The following CASKIN2 variants were observed in gnomAD, a reference collection of about 807,000 sequenced individuals.
CASKIN2 encodes caskin-2.
Under a neutral mutation model 107.1 loss-of-function variants are expected in CASKIN2, and 41 were observed. The ratio of observed to expected loss-of-function variants is 0.38; its 90% CI spans 0.30 to 0.50. The LOEUF (loss-of-function observed/expected upper bound fraction) is 0.50, where lower values mean the gene tolerates loss of function less well. CASKIN2 is among the 20% of genes least tolerant of loss of function. CASKIN2 has a pLI of 0.92. For missense variants in CASKIN2, 1,546 were observed against 1,657.4 expected, an observed-to-expected ratio of 0.93 and a Z score of 1.17; for synonymous variants, 724 against 705.6, an observed-to-expected ratio of 1.03 and a Z score of -0.41.
Position 75,507,046 on chromosome 17 carries a change from C to A in CASKIN2, c.328G>T (p.Ala110Ser), listed in dbSNP as rs1248096355. Residue 110 changes from alanine (A) to serine (S), a missense_variant, in exon 5 of 20, where the codon GCC becomes TCC. By Grantham distance (99) the Ala-to-Ser change is moderately conservative (BLOSUM62 1). Coordinates refer to ENST00000321617, the MANE Select transcript of CASKIN2 (RefSeq NM_020753.5). ...LLLRASAAVN[A>S]ASLDGQIPLH... ...GGGATCTGTCCGTCCAGCGAGGCGG[C>A]ATTGACAGCCGCAGAGGCGCGCAGC... 1 of 1,612,738 alleles carries A rather than the reference C, an allele frequency of 6.2e-7. No individual in the cohort carries two copies. The highest frequency in any genetic ancestry group is 2.2e-5 in the East Asian group (1 of 44,876).
chr17:75,502,587 A>G lies in CASKIN2; in HGVS notation c.2487T>C (p.Leu829=). ...VGSTLGSYAT[L]TRRPGRSALV... ...GGGCACTGCGTCCTGGCCGCCGGGT[A>G]AGGGTAGCATAACTGCCTAGGGTGC... Residue 829 remains leucine, a synonymous_variant, in exon 18 of 20, where the codon CTT becomes CTC. Transcript: ENST00000321617. The surrounding 1 kb of genome is among the most constrained non-coding windows in gnomAD (Gnocchi z 4.3). 1 of 1,597,086 alleles carries G rather than the reference A, an allele frequency of 6.3e-7. No individual in the cohort carries two copies. The highest frequency in any genetic ancestry group is 8.5e-7 in the Non-Finnish European group (1 of 1,170,936).
chr17:75,501,145 T>C lies in CASKIN2; in HGVS notation c.3544A>G (p.Ile1182Val), dbSNP rs959232843. ...EGTPSASTKH[I>V]LDDISTMFDA... Reference sequence around the variant, plus strand: ...AACATGGTGCTGATGTCATCCAGAATGTGCTTGGTGGAGGCGCTGGGGGTG... The same window carrying C: ...AACATGGTGCTGATGTCATCCAGAACGTGCTTGGTGGAGGCGCTGGGGGTG... Residue 1182 changes from isoleucine to valine, a missense_variant, in exon 20 of 20, where the codon ATT becomes GTT. Physicochemically the swap from Ile to Val is conservative, Grantham distance 29. Around this residue, in one of 6 missense-constraint regions of CASKIN2, gnomAD observed 1,311 missense variants for 1,311.0 expected, o/e 1.00. Transcript: ENST00000321617. The C allele has an allele frequency of 6.3e-7, 1 of 1,592,714 alleles. No homozygotes were observed. Among genetic ancestry groups the C allele is most frequent in the Non-Finnish European group, 8.5e-7 (1 of 1,169,626 alleles).
intron 16 of CASKIN2, 25 bp downstream of exon 16, chr17:75,503,634 T>C (rs1256171386): frequency 1.2e-6 from 2 of 1,608,996 alleles, no homozygotes; most frequent in African/African-American, 1.3e-5. Flanking sequence ...CGTGCCCCAC[T>C]CCCCAGCCAC....
intron 2 of CASKIN2, among the ~76,000 whole-genome samples, chr17:75,511,517 T>C (rs186064882): frequency 1.2e-4 from 19 of 152,284 alleles, no homozygotes; most frequent in Admixed American, 1.2e-3. Flanking sequence ...GATATTGAAA[T>C]ACCTATCTCA....
In CASKIN2 at chr17:75,504,863, G is replaced by A. The variant is rs564675315; in HGVS notation, c.1141C>T (p.Pro381Ser). Residue 381 changes from proline (P) to serine (S), a missense_variant, in exon 11 of 20, where the codon CCT becomes TCT. By Grantham distance (74) the Pro-to-Ser change is moderately conservative (BLOSUM62 -1). Around this residue, in one of 6 missense-constraint regions of CASKIN2, gnomAD observed 1,311 missense variants for 1,311.0 expected, o/e 1.00. Transcript: ENST00000321617. ...PQPPAEEPPH[P>S]LTYSQLPRVG... Reference sequence around the variant, plus strand: ...CGAGGAAGCTGGCTGTAGGTAAGAGGGTGCGGGGGTTCTTCGGCAGGAGGC... The same window carrying A: ...CGAGGAAGCTGGCTGTAGGTAAGAGAGTGCGGGGGTTCTTCGGCAGGAGGC... 4 of 1,611,600 alleles carry A rather than the reference G, an allele frequency of 2.5e-6. No individual in the cohort carries two copies. In the African/African-American group the frequency reaches 5.3e-5, roughly 21 times the overall value.
In CASKIN2 at chr17:75,505,681, A is replaced by G. The variant is rs1245394994; in HGVS notation, c.836-30T>C. The G allele has an allele frequency of 1.2e-6, 2 of 1,600,952 alleles. No homozygotes were observed. Among genetic ancestry groups the G allele is most frequent in the East Asian group, 4.5e-5 (2 of 44,802 alleles). The stretch of plus-strand genomic sequence containing the variant: ...GAAAACGGGGTGGGGGACAGGTGTC[A>G]TCTAAGGGTCCTTAGGGCATCTTCC... On this transcript the variant is annotated intron_variant, in intron 9 of 19. Transcript: ENST00000321617. The surrounding 1 kb of genome is among the most constrained non-coding windows in gnomAD (Gnocchi z 5.1).
chr17:75,507,876 C>T (rs1010346111), intron 3 of CASKIN2, 195 bp from the exon 4 acceptor site: 36 of 582,138 alleles, frequency 6.2e-5, no homozygotes, highest in Non-Finnish European at 5.5e-5. Context: ...CTGAGAGGCC[C>T]GTTTGTCTCG....
intron 3 of CASKIN2, 82 bp downstream of exon 3, chr17:75,508,152 G>C: frequency 6.8e-7 from 1 of 1,468,408 alleles, no homozygotes; most frequent in East Asian, 2.3e-5. Flanking sequence ...CTGGGCCTCA[G>C]GATCTTTCCC....
intron 3 of CASKIN2, 82 bp downstream of exon 3, chr17:75,508,152 G>A: frequency 1.4e-6 from 2 of 1,468,406 alleles, no homozygotes; most frequent in Non-Finnish European, 1.9e-6. Context: ...CTGGGCCTCA[G>A]GATCTTTCCC....
At chr17:75,511,535 G>A (rs1598470072) in intron 2 of CASKIN2, among the ~76,000 whole-genome samples, 1 of 152,186 alleles carries the variant, frequency 6.6e-6, no homozygotes, top group African/African-American at 2.4e-5. Context: ...TCACAGGCAA[G>A]TGAGGAAATT....
chr17:75,514,152 A>G lies in CASKIN2; in HGVS notation c.-348T>C. The G allele has an allele frequency of 3.8e-6, 2 of 524,252 alleles. No homozygotes were observed. The highest frequency in any genetic ancestry group is 6.7e-6 in the Non-Finnish European group (2 of 296,932). 32.5% of individuals were successfully genotyped at this position (524,252 alleles called of 1,614,324 possible). On this transcript the variant is annotated 5_prime_UTR_variant, in exon 2 of 20. Coordinates refer to ENST00000321617, the MANE Select transcript of CASKIN2 (RefSeq NM_020753.5). ...CTGTGGAACACCAGTGCCCACCCAGAGAGCAGCCAGCATTCCCTTGGGCCT... is the reference window on the plus strand; with the variant it reads ...CTGTGGAACACCAGTGCCCACCCAGGGAGCAGCCAGCATTCCCTTGGGCCT...
chr17:75,505,918 G>T lies in CASKIN2; in HGVS notation c.738C>A (p.Asp246Glu), dbSNP rs143299940. The T allele has an allele frequency of 6.2e-7, 1 of 1,613,368 alleles. No homozygotes were observed. The highest frequency in any genetic ancestry group is 1.3e-5 in the African/African-American group (1 of 75,014). Residue 246 changes from aspartate (D) to glutamate (E), a missense_variant, in exon 9 of 20, where the codon GAC becomes GAA. By Grantham distance (45) the Asp-to-Glu change is conservative. This residue lies in a region of CASKIN2 where 62 missense variants were observed against 81.1 expected (regional missense o/e 0.76). Transcript: ENST00000321617. The surrounding 1 kb of genome is among the most constrained non-coding windows in gnomAD (Gnocchi z 5.1). ...VVRLLLEGGV[D>E]VNIRNTYNQT... ...GGTTATACGTATTCCGGATGTTCAC[G>T]TCCACACCTCCCTGGGTGCACAGTG... is the stretch of plus-strand genomic sequence containing the variant.
Position 75,503,401 on chromosome 17 carries a change from C to T in CASKIN2, c.1807G>A (p.Val603Ile), listed in dbSNP as rs757995395. Residue 603 changes from valine (V) to isoleucine (I), a missense_variant, in exon 17 of 20, where the codon GTC (valine) becomes ATC (isoleucine). Transcript: ENST00000321617. ...LTWEELQEIG[V>I]NKLGHQKKLM... is the part of the protein sequence containing the mutation. ...GGACAGTCCTTACCGAGCTTGTTGA[C>T]CCCAATCTCCTGCAGCTCCTCCCAG... 9.9e-6 allele frequency: 16 copies of T among 1,612,376 alleles called. No individual in the cohort carries two copies. Among genetic ancestry groups the T allele is most frequent in the Non-Finnish European group, 1.4e-5 (16 of 1,179,556 alleles).
chr17:75,508,616 C>T (rs1344260706), intron 2 of CASKIN2, among the ~76,000 whole-genome samples: 1 of 152,202 alleles, frequency 6.6e-6, no homozygotes, highest in African/African-American at 2.4e-5. Flanking sequence ...AGCATTCCTG[C>T]CTGAATGGGC....
chr17:75,502,672 A>C lies in CASKIN2; in HGVS notation c.2402T>G (p.Leu801Arg). 6.3e-7 allele frequency: 1 copy of C among 1,587,714 alleles called. No individual in the cohort carries two copies. The highest frequency in any genetic ancestry group is 8.5e-7 in the Non-Finnish European group (1 of 1,170,394). ...PPRPKRRSHS[L>R]SRPGPTEGDA... ...CCCCTCTGTGGGGCCAGGGCGGCTT[A>C]GGCTGTGGGACCGGCGCTTAGGTCG... Residue 801 changes from leucine to arginine, a missense_variant, in exon 18 of 20, where the codon CTA (leucine) becomes CGA (arginine). Physicochemically the swap from Leu to Arg is moderately radical, Grantham distance 102. Transcript: ENST00000321617. This position sits in a 1 kb window ranked among gnomAD's most constrained non-coding sequence, Gnocchi z 4.3.
At position 75,501,115 on chromosome 17, in the gene CASKIN2, C is replaced by T. The variant is rs762029359; in HGVS notation, c.3574G>A (p.Ala1192Thr). The T allele has an allele frequency of 1.1e-5, 18 of 1,589,404 alleles. No individual in the cohort carries two copies. The highest frequency in any genetic ancestry group is 4.6e-5 in the South Asian group (4 of 87,346). Residue 1192 changes from alanine (A) to threonine (T), a missense_variant, in exon 20 of 20, where the codon GCC (alanine) becomes ACC (threonine). Transcript: ENST00000321617. ...ATGGCGTCCAGCTGGTCAGCCAGGG[C>T]GTCGAACATGGTGCTGATGTCATCC... is the stretch of plus-strand genomic sequence containing the variant. Reference protein sequence around the residue: ...ILDDISTMFDALADQLDAMLD With the variant: ...ILDDISTMFDTLADQLDAMLD
At position 75,503,699 on chromosome 17, in the gene CASKIN2, G is replaced by A. The variant is rs2053230003; in HGVS notation, c.1640C>T (p.Ala547Val). The A allele has an allele frequency of 1.6e-5, 26 of 1,612,494 alleles. No homozygotes were observed. The highest frequency in any genetic ancestry group is 2.1e-5 in the Non-Finnish European group (25 of 1,180,006). Reference sequence around the variant, plus strand: ...CAGCCACTCGGCGATGCTGAGCTGAGCGATCTCTGAGGCGATCTTCTTCCT... The same window carrying A: ...CAGCCACTCGGCGATGCTGAGCTGAACGATCTCTGAGGCGATCTTCTTCCT... ...GHRKKIASEIAQLSIAEWLPS... is the reference protein window; with the variant it reads ...GHRKKIASEIVQLSIAEWLPS... The change falls in exon 16 of 20, where the codon GCT (alanine) becomes GTT (valine). Residue 547 changes from alanine (A) to valine (V), a missense_variant. By Grantham distance (64) the Ala-to-Val change is moderately conservative (BLOSUM62 0). Transcript: ENST00000321617.
At position 75,502,463 on chromosome 17, in the gene CASKIN2, G is replaced by T; in HGVS notation, c.2611C>A (p.Pro871Thr). Reference protein sequence around the residue: ...LRARRKGPPPPPPKRLSSVSG... With the variant: ...LRARRKGPPPTPPKRLSSVSG... Reference sequence around the variant, plus strand: ...ACGGAGCTGAGGCGCTTGGGGGGCGGGGGCGGGGGGCCTTTGCGCCGGGCC... The same window carrying T: ...ACGGAGCTGAGGCGCTTGGGGGGCGTGGGCGGGGGGCCTTTGCGCCGGGCC... Residue 871 changes from proline to threonine, a missense_variant, in exon 18 of 20, where the codon CCG becomes ACG. Around this residue, in one of 6 missense-constraint regions of CASKIN2, gnomAD observed 1,311 missense variants for 1,311.0 expected, o/e 1.00. Transcript: ENST00000321617. The surrounding 1 kb of genome is among the most constrained non-coding windows in gnomAD (Gnocchi z 4.3). 6.9e-7 allele frequency: 1 copy of T among 1,449,234 alleles called. No individual in the cohort carries two copies. Among genetic ancestry groups the T allele is most frequent in the Non-Finnish European group, 9.1e-7 (1 of 1,096,904 alleles). 89.8% of individuals were successfully genotyped at this position (1,449,234 alleles called of 1,614,324 possible).
At chr17:75,514,329 C>T (rs2053338548) in intron 1 of CASKIN2, 121 bp from the exon 2 acceptor site, 1 of 398,960 alleles carries the variant, frequency 2.5e-6, no homozygotes, top group Middle Eastern at 6.3e-4. Context: ...CCCTGGCTCC[C>T]CTCGGAGTCG....
Sources: allele counts gnomAD v4.1 joint callset (sites outside exome capture counted in the v4.1 genomes callset), GRCh38; gene constraint gnomAD v4.1.1; regional missense constraint gnomAD v4.1.1; non-coding constraint Gnocchi (gnomAD v3.1); transcripts MANE v1.5; gene names NCBI Gene and HGNC (gene_info 2026-07-23, HGNC 2026-07-21).